Variants in SUMF1 observed in about 807,000 individuals in gnomAD.
SUMF1 encodes formylglycine-generating enzyme.
Under a neutral mutation model 47.6 loss-of-function variants are expected in SUMF1, and 48 were observed. The observed-to-expected ratio is 1.01, with a 90% CI of 0.80 to 1.28. The LOEUF (loss-of-function observed/expected upper bound fraction) is 1.28. SUMF1 is among the 50% of genes most tolerant of loss of function. The pLI is 0.00. For missense variants in SUMF1, 571 were observed against 485.4 expected (o/e 1.18, Z -1.66); for synonymous variants, 230 against 192.1 (o/e 1.20, Z -1.63).
intron 8 of SUMF1, among the ~76,000 whole-genome samples, chr3:4,176,350 C>A (rs1446157925): frequency 1.3e-5 from 2 of 152,122 alleles, no homozygotes; most frequent in African/African-American, 2.4e-5. Flanking sequence ...TTGGCAGAAA[C>A]CCTACAAGCT....
At chr3:4,263,441 A>G (rs1697125908) in intron 8 of SUMF1, among the ~76,000 whole-genome samples, 1 of 152,212 alleles carries the variant, frequency 6.6e-6, no homozygotes, top group South Asian at 2.1e-4. Context: ...AACATCTAGT[A>G]CTATAAAGAT....
At chr3:4,262,877 T>C (rs1396874996) in intron 8 of SUMF1, among the ~76,000 whole-genome samples, 1 of 152,070 alleles carries the variant, frequency 6.6e-6, no homozygotes, top group Non-Finnish European at 1.5e-5. Flanking sequence ...AAAATCAAAG[T>C]GCTACGTAAA....
chr3:4,248,148 T>C (rs1168398583), intron 8 of SUMF1, among the ~76,000 whole-genome samples: 2 of 152,228 alleles, frequency 1.3e-5, no homozygotes, highest in East Asian at 3.9e-4. Flanking sequence ...GTAAGTCTCA[T>C]TGCCCAGTGA....
At chr3:4,368,552 G>T (rs1700061645) in intron 8 of SUMF1, among the ~76,000 whole-genome samples, 1 of 152,058 alleles carries the variant, frequency 6.6e-6, no homozygotes, top group African/African-American at 2.4e-5. Flanking sequence ...GTTTATTGCG[G>T]CACTACTCAC....
intron 8 of SUMF1, among the ~76,000 whole-genome samples, chr3:4,373,285 C>T (rs1700223350): frequency 2.0e-5 from 3 of 152,044 alleles, no homozygotes; most frequent in Non-Finnish European, 4.4e-5. Context: ...TTAAAAACCA[C>T]ATTAAAAATA....
chr3:4,176,355 C>G (rs976485277), intron 8 of SUMF1, among the ~76,000 whole-genome samples: 1 of 152,146 alleles, frequency 6.6e-6, no homozygotes, highest in Admixed American at 6.5e-5. Context: ...AGAAACCCTA[C>G]AAGCTAGAAG....
At chr3:4,120,481 T>C (rs1693514571) in intron 8 of SUMF1, among the ~76,000 whole-genome samples, 1 of 152,314 alleles carries the variant, frequency 6.6e-6, no homozygotes, top group Middle Eastern at 3.4e-3. Flanking sequence ...TGTGATGGTC[T>C]TGTACAACTC....
intron 8 of SUMF1, among the ~76,000 whole-genome samples, chr3:4,301,081 G>C (rs1011834974): frequency 6.6e-6 from 1 of 152,112 alleles, no homozygotes; most frequent in Non-Finnish European, 1.5e-5. Context: ...AATAGTTGCA[G>C]GGAACATAAG....
At chr3:4,140,442 A>C (rs1179776545) in intron 8 of SUMF1, among the ~76,000 whole-genome samples, 1 of 151,956 alleles carries the variant, frequency 6.6e-6, no homozygotes, top group African/African-American at 2.4e-5. Flanking sequence ...GAACTCTACT[A>C]TTTGTCTATT....
At chr3:4,367,747 A>G (rs570633574) in intron 8 of SUMF1, among the ~76,000 whole-genome samples, 3,034 of 152,228 alleles carry the variant, frequency 0.02, 105 homozygotes, top group African/African-American at 0.069. Context: ...AGGATTCCCT[A>G]TTTAATAAAT....
chr3:4,181,694 T>C (rs1467665116), intron 8 of SUMF1, among the ~76,000 whole-genome samples: 7 of 152,090 alleles, frequency 4.6e-5, no homozygotes, highest in Non-Finnish European at 1.5e-5. Flanking sequence ...AGAAAGAGTG[T>C]CCCCTGTCCT....
intron 8 of SUMF1, among the ~76,000 whole-genome samples, chr3:4,187,238 A>G (rs1028979213): frequency 3.9e-5 from 6 of 152,026 alleles, no homozygotes; most frequent in Admixed American, 3.9e-4. Flanking sequence ...GCGCAATGTC[A>G]GGTACCTGCA....
intron 8 of SUMF1, among the ~76,000 whole-genome samples, chr3:4,228,655 T>C (rs1696230141): frequency 6.6e-6 from 1 of 152,106 alleles, no homozygotes; most frequent in African/African-American, 2.4e-5. Flanking sequence ...TCTCTTTAAA[T>C]AAAAGGACAT....
At chr3:4,284,251 CA>C (rs995919173) in intron 8 of SUMF1, among the ~76,000 whole-genome samples, 48 of 143,190 alleles carry the variant, frequency 3.4e-4, no homozygotes, top group Middle Eastern at 3.7e-3. Context: ...CCCATTTCTA[CA>C]AAAAAAAAAA....
chr3:4,106,910 A>G (rs1446750762), intron 8 of SUMF1, among the ~76,000 whole-genome samples: 2 of 152,112 alleles, frequency 1.3e-5, no homozygotes, highest in Non-Finnish European at 2.9e-5. Flanking sequence ...AAAATAAACT[A>G]TATTTTTCCA....
chr3:4,288,164 A>G (rs1697672859), intron 8 of SUMF1, among the ~76,000 whole-genome samples: 1 of 152,162 alleles, frequency 6.6e-6, no homozygotes, highest in Admixed American at 6.5e-5. Context: ...AATAATACAA[A>G]TGAAGTTCTT....
At chr3:4,369,487 C>T (rs1177064163) in intron 8 of SUMF1, among the ~76,000 whole-genome samples, 1 of 152,110 alleles carries the variant, frequency 6.6e-6, no homozygotes, top group African/African-American at 2.4e-5. Flanking sequence ...TGTGGATAAT[C>T]CAGGGCCCCA....
intron 5 of SUMF1, 81 bp downstream of exon 5, chr3:4,417,929 A>T: frequency 6.2e-7 from 1 of 1,603,312 alleles, no homozygotes; most frequent in Admixed American, 1.7e-5. Flanking sequence ...TAACCAAAGT[A>T]AGTTCCATGG....
intron 8 of SUMF1, among the ~76,000 whole-genome samples, chr3:4,257,940 C>A (rs973653718): frequency 4.6e-5 from 7 of 151,816 alleles, no homozygotes; most frequent in Non-Finnish European, 8.8e-5. Flanking sequence ...CAGAACAGAG[C>A]CCTCAGAAAT....
Sources: gnomAD v4.1 joint callset for allele counts (sites outside exome capture counted in the v4.1 genomes callset) on GRCh38, gnomAD v4.1.1 for gene constraint, MANE v1.5 for transcripts, NCBI Gene and HGNC (gene_info 2026-07-23, HGNC 2026-07-21) for gene names.